The following ZBTB20 variants were observed in gnomAD, a reference collection of about 807,000 sequenced individuals.
ZBTB20 encodes zinc finger and BTB domain-containing protein 20.
ZBTB20 carries 9 observed loss-of-function variants against 56.9 expected under a neutral mutation model. That is an observed-to-expected ratio of 0.16 (90% confidence interval 0.10 to 0.28). The LOEUF is 0.28. Among genes scored for constraint, ZBTB20 ranks in the 10% least tolerant of loss-of-function variants. ZBTB20 has a pLI of 1.00. For missense variants in ZBTB20, 655 were observed against 1,003.0 expected (o/e 0.65, Z 4.69); for synonymous variants, 417 against 420.7 (o/e 0.99, Z 0.11).
intron 2 of ZBTB20, among the ~76,000 whole-genome samples, chr3:114,991,186 A>C (rs1489144834): frequency 6.6e-6 from 1 of 151,858 alleles, no homozygotes; most frequent in African/African-American, 2.4e-5. Context: ...TAGTTCTTTT[A>C]ATTGTGATGT....
intron 6 of ZBTB20, among the ~76,000 whole-genome samples, chr3:114,527,636 G>C (rs964258080): frequency 3.9e-5 from 6 of 152,150 alleles, no homozygotes; most frequent in African/African-American, 1.4e-4. Flanking sequence ...TGTCAGGCTA[G>C]GGTAAGGGAA....
At chr3:114,608,499 C>CT in intron 6 of ZBTB20, among the ~76,000 whole-genome samples, 1 of 152,284 alleles carries the variant, frequency 6.6e-6, no homozygotes, top group Admixed American at 6.5e-5. Context: ...CTGGAGAAAA[C>CT]TTTGTACAAT....
chr3:114,606,839 T>C (rs760754738), intron 6 of ZBTB20, among the ~76,000 whole-genome samples: 1 of 152,158 alleles, frequency 6.6e-6, no homozygotes, highest in Non-Finnish European at 1.5e-5. Flanking sequence ...CTCACTCTTG[T>C]AATCCCAGCA....
rs531582997 is a variant in ZBTB20, at chr3:114,553,774, T to A, written c.-294-53383A>T. On this transcript the variant is annotated intron_variant, in intron 6 of 11. Transcript: ENST00000675478. ...AGTAGAATTAATATAGTGTTCAAGT[T>A]CAGGATTGAGTAGATGAGAAGAGGA... is the stretch of plus-strand genomic sequence containing the variant. Among the ~76,000 whole-genome samples, 5 of 152,266 alleles carry A rather than the reference T, an allele frequency of 3.3e-5. No homozygotes were observed. In the East Asian group the frequency reaches 9.6e-4, roughly 29 times the overall value.
At chr3:114,507,560 A>G (rs754928803) in intron 6 of ZBTB20, among the ~76,000 whole-genome samples, 2 of 152,190 alleles carry the variant, frequency 1.3e-5, no homozygotes, top group Non-Finnish European at 2.9e-5. Context: ...AGACTTAAAG[A>G]TGAACATTCT....
chr3:114,971,661 G>A (rs1345685372), intron 3 of ZBTB20, among the ~76,000 whole-genome samples: 1 of 152,156 alleles, frequency 6.6e-6, no homozygotes, highest in Non-Finnish European at 1.5e-5. Flanking sequence ...TTATTTAACT[G>A]GTGTATGAGA....
chr3:114,788,977 C>T (rs896009117), intron 5 of ZBTB20, among the ~76,000 whole-genome samples: 9 of 152,000 alleles, frequency 5.9e-5, no homozygotes, highest in Non-Finnish European at 7.4e-5. Flanking sequence ...CAGGAAAAAC[C>T]GCCCCTGTGA....
At chr3:115,140,568 G>A (rs1203430578) in intron 1 of ZBTB20, among the ~76,000 whole-genome samples, 1 of 151,730 alleles carries the variant, frequency 6.6e-6, no homozygotes, top group African/African-American at 2.4e-5. Flanking sequence ...GTGGTGGTAG[G>A]GGTCTTTGTT....
At chr3:114,888,966 C>T (rs1356801843) in intron 4 of ZBTB20, among the ~76,000 whole-genome samples, 1 of 151,982 alleles carries the variant, frequency 6.6e-6, no homozygotes, top group East Asian at 1.9e-4. Context: ...TTTAAAAAGT[C>T]ATAACCTGTG....
chr3:115,079,128 C>A (rs1043534555), intron 1 of ZBTB20, among the ~76,000 whole-genome samples: 12 of 152,108 alleles, frequency 7.9e-5, no homozygotes, highest in African/African-American at 1.9e-4. Context: ...AGTTAGTACA[C>A]TGTTCACTAA....
chr3:115,008,811 A>T (rs2079577841), intron 2 of ZBTB20, among the ~76,000 whole-genome samples: 1 of 151,934 alleles, frequency 6.6e-6, no homozygotes, highest in African/African-American at 2.4e-5. Flanking sequence ...AACAAAGTAT[A>T]TCTGTAATAC....
chr3:115,123,646 G>A (rs541672836), intron 1 of ZBTB20, among the ~76,000 whole-genome samples: 46 of 152,222 alleles, frequency 3.0e-4, no homozygotes, highest in Admixed American at 3.9e-4. Flanking sequence ...CCTAAGACCT[G>A]ACATATGTCA....
At chr3:115,077,713 T>C (rs2082645852) in intron 1 of ZBTB20, among the ~76,000 whole-genome samples, 1 of 152,236 alleles carries the variant, frequency 6.6e-6, no homozygotes, top group Non-Finnish European at 1.5e-5. Context: ...CTGTCAGGGC[T>C]GTTATTAATA....
intron 4 of ZBTB20, among the ~76,000 whole-genome samples, chr3:114,808,591 GAAAAACTAAGTTTTGGTTGATCTTTTCA>G (rs1021919679): frequency 1.3e-5 from 2 of 151,774 alleles, no homozygotes; most frequent in African/African-American, 2.4e-5. Flanking sequence ...TCTAGCAAAA[GAAAAACTAAGTTTTGGTTGATCTTTTCA>G]AAAAACTAAG....
chr3:114,778,107 A>C (rs1578825476), intron 5 of ZBTB20, among the ~76,000 whole-genome samples: 1 of 73,956 alleles, frequency 1.4e-5, no homozygotes, highest in Non-Finnish European at 2.7e-5. Context: ...GGGTGGGGGG[A>C]AGGGGGAGGG....
intron 5 of ZBTB20, among the ~76,000 whole-genome samples, chr3:114,704,127 T>C (rs951503676): frequency 6.6e-6 from 1 of 152,128 alleles, no homozygotes; most frequent in Non-Finnish European, 1.5e-5. Context: ...AAAGAAAGGT[T>C]ATTTTCTTAC....
intron 7 of ZBTB20, among the ~76,000 whole-genome samples, chr3:114,456,666 G>A (rs1163040379): frequency 6.6e-6 from 1 of 152,040 alleles, no homozygotes; most frequent in Non-Finnish European, 1.5e-5. Context: ...TATCTTTTTC[G>A]GGACACATAT....
At chr3:114,615,797 C>T (rs143036850) in intron 6 of ZBTB20, among the ~76,000 whole-genome samples, 1 of 152,222 alleles carries the variant, frequency 6.6e-6, no homozygotes, top group East Asian at 1.9e-4. Context: ...GGCAGGAGTC[C>T]CCTGGAGGTG....
At chr3:114,925,396 T>A (rs566260518) in intron 3 of ZBTB20, among the ~76,000 whole-genome samples, 1 of 152,330 alleles carries the variant, frequency 6.6e-6, no homozygotes, top group Admixed American at 6.5e-5. Flanking sequence ...TGCTTTAATT[T>A]TTTTGCCTAG....
Sources: gnomAD v4.1 joint callset for allele counts (sites outside exome capture counted in the v4.1 genomes callset) on GRCh38, gnomAD v4.1.1 for gene constraint, MANE v1.5 for transcripts, NCBI Gene and HGNC (gene_info 2026-07-23, HGNC 2026-07-21) for gene names.